The following NTN1 variants were observed in gnomAD, a reference collection of about 807,000 sequenced individuals.
NTN1 encodes the protein netrin 1.
In NTN1, 11 loss-of-function variants were observed where a neutral mutation model predicts 54.2. The ratio of observed to expected loss-of-function variants is 0.20; its 90% CI spans 0.13 to 0.34. The LOEUF (loss-of-function observed/expected upper bound fraction) is 0.34, where lower values mean the gene tolerates loss of function less well. NTN1 is among the 10% of genes least tolerant of loss of function. NTN1 has a pLI of 1.00. For missense variants in NTN1, 740 were observed against 893.1 expected (o/e 0.83, Z 2.18); for synonymous variants, 371 against 382.0 (o/e 0.97, Z 0.33).
At position 9,099,362 on chromosome 17, in the gene NTN1, G is replaced by A. The variant is rs373447234; in HGVS notation, c.1019-63451G>A. On this transcript the variant is annotated intron_variant, in intron 2 of 6. Transcript: ENST00000173229. Reference sequence around the variant, plus strand: ...GGAGGTTGCAGTGAGCCGAGTTTGCGCCATTGCACTCCAGCCTAGGCAACA... The same window carrying A: ...GGAGGTTGCAGTGAGCCGAGTTTGCACCATTGCACTCCAGCCTAGGCAACA... 5.9e-5 allele frequency among the ~76,000 whole-genome samples: 9 copies of A among 152,242 alleles called. No homozygotes were observed. The South Asian group carries it at 1.0e-3, about 18-fold the overall frequency.
intron 5 of NTN1, among the ~76,000 whole-genome samples, chr17:9,188,265 C>T (rs538279827): frequency 6.6e-5 from 10 of 152,090 alleles, no homozygotes; most frequent in Non-Finnish European, 1.5e-4. Flanking sequence ...CCCATCTCTA[C>T]TAAAAGTACA....
intron 2 of NTN1, among the ~76,000 whole-genome samples, chr17:9,073,368 G>A (rs987028649): frequency 5.9e-5 from 9 of 152,188 alleles, no homozygotes; most frequent in South Asian, 2.1e-4. Context: ...AAGTCCCCAC[G>A]AGAGTTCTCC....
upstream of NTN1, among the ~76,000 whole-genome samples, chr17:9,021,185 G>A (rs2091845487): frequency 6.7e-6 from 1 of 149,600 alleles, no homozygotes; most frequent in Non-Finnish European, 1.5e-5. Context: ...AGGCTCTCCG[G>A]GCGGCGCGGG....
rs11870243 is a variant in NTN1, at chr17:9,221,517, G to A, written c.1486+275G>A. ...GCTGGCCTCTGGCTTTGACTCTGCCGCTGATGGGCTGTGTGGCCACAGACC... is the reference window on the plus strand; with the variant it reads ...GCTGGCCTCTGGCTTTGACTCTGCCACTGATGGGCTGTGTGGCCACAGACC... On this transcript the variant is annotated intron_variant, in intron 6 of 6. Transcript: ENST00000173229. This position sits in a 1 kb window ranked among gnomAD's most constrained non-coding sequence, Gnocchi z 4.5. Among the ~76,000 whole-genome samples, 1,184 of 152,308 alleles carry A rather than the reference G, an allele frequency of 7.8e-3. 16 individuals carry two copies. Among genetic ancestry groups the A allele is most frequent in the African/African-American group, 0.027 (1,136 of 41,564 alleles).
Position 9,179,962 on chromosome 17 carries a change from T to C in NTN1, c.1357+6T>C, listed in dbSNP as rs1487829300. 5 of 1,609,568 alleles carry C rather than the reference T, an allele frequency of 3.1e-6. No individual in the cohort carries two copies. Among genetic ancestry groups the C allele is most frequent in the Non-Finnish European group, 4.2e-6 (5 of 1,178,152 alleles). ...TCCCATCGCCCCCTGCATAAGTATG[T>C]GTGGGGCACCCTGCTTTTCAAGTCT... On this transcript the variant is annotated splice_donor_region_variant and intron_variant, in intron 4 of 6. Coordinates refer to ENST00000173229, the MANE Select transcript of NTN1 (RefSeq NM_004822.3).
chr17:9,050,396 G>A (rs1237554225), intron 2 of NTN1, among the ~76,000 whole-genome samples: 4 of 151,854 alleles, frequency 2.6e-5, no homozygotes, highest in Admixed American at 6.6e-5. Flanking sequence ...GGGGCCAGGC[G>A]TGGTGGCTCA....
intron 5 of NTN1, among the ~76,000 whole-genome samples, chr17:9,187,539 C>T (rs1041797337): frequency 5.3e-5 from 8 of 150,226 alleles, no homozygotes; most frequent in East Asian, 2.0e-4. Flanking sequence ...TGGCCAGGTG[C>T]GGTGGCTCAC....
At position 9,221,147 on chromosome 17, in the gene NTN1, T is replaced by TCCTC; in HGVS notation, c.1412-19_1412-18insTCCC. ...CAGCCTAATTAGTTTTTGTCTGTGC[T>TCCTC]CCCCCCCCACCCCCCTGCAGACTGC... On this transcript the variant is annotated intron_variant, in intron 5 of 6. Transcript: ENST00000173229. This position sits in a 1 kb window ranked among gnomAD's most constrained non-coding sequence, Gnocchi z 4.5. The TCCTC allele has an allele frequency of 7.7e-7, 1 of 1,303,814 alleles. No homozygotes were observed. 80.8% of individuals were successfully genotyped at this position (1,303,814 alleles called of 1,614,324 possible).
rs1448094384 is a variant in NTN1 at position 9,219,193 on chromosome 17, G to A, written c.1412-1975G>A. ...CGGCCGCGGTGCTGATGGTGCTGAT[G>A]GCGCCGTTGACTTGAGTGTTTGGGC... is the stretch of plus-strand genomic sequence containing the variant. On this transcript the variant is annotated intron_variant, in intron 5 of 6. Transcript: ENST00000173229. This position sits in a 1 kb window ranked among gnomAD's most constrained non-coding sequence, Gnocchi z 4.5. Among the ~76,000 whole-genome samples the A allele has an allele frequency of 6.6e-6, 1 of 152,178 alleles. No homozygotes were observed. Among genetic ancestry groups the A allele is most frequent in the Non-Finnish European group, 1.5e-5 (1 of 68,026 alleles).
intron 2 of NTN1, among the ~76,000 whole-genome samples, chr17:9,063,210 C>T (rs1393294910): frequency 1.3e-5 from 2 of 151,786 alleles, no homozygotes; most frequent in Non-Finnish European, 2.9e-5. Flanking sequence ...GATTATCCTG[C>T]CTCAGCCTCC....
chr17:9,064,334 C>T (rs991975333), intron 2 of NTN1, among the ~76,000 whole-genome samples: 6 of 152,194 alleles, frequency 3.9e-5, no homozygotes, highest in Admixed American at 1.3e-4. Context: ...TGTAAATGAC[C>T]GCTGCCATTT....
rs57053201 is a variant in NTN1 at position 9,133,754 on chromosome 17, ATTT to A, written c.1019-29041_1019-29039del. 1.2e-3 allele frequency among the ~76,000 whole-genome samples: 122 copies of A among 104,534 alleles called. 1 individual carries two copies. In the East Asian group the frequency reaches 0.019, roughly 16 times the overall value. The allele number at this position is 104,534 out of a possible 152,430, so 68.6% of individuals were successfully genotyped here. A position where few individuals can be genotyped will look rare whatever the true frequency, so the allele number is the denominator to read the frequency against. ...AGGTGCGCACCACCATGCCCAGCTA[ATTT>A]TTTTTTTTTTTTTTTTTGTATTTTA... On this transcript the variant is annotated intron_variant, in intron 2 of 6. Coordinates refer to ENST00000173229, the MANE Select transcript of NTN1 (RefSeq NM_004822.3).
At chr17:9,116,017 TC>T (rs1326057461) in intron 2 of NTN1, among the ~76,000 whole-genome samples, 1 of 152,226 alleles carries the variant, frequency 6.6e-6, no homozygotes, top group Non-Finnish European at 1.5e-5. Context: ...CATTTGTTTC[TC>T]CGGGGGCAGA....
chr17:9,201,331 T>C (rs750964146), intron 5 of NTN1, among the ~76,000 whole-genome samples: 1 of 152,042 alleles, frequency 6.6e-6, no homozygotes, highest in Non-Finnish European at 1.5e-5. Flanking sequence ...GCTGTAAGAG[T>C]TCTGAACTTA....
At chr17:9,111,961 AT>A (rs1220354894) in intron 2 of NTN1, among the ~76,000 whole-genome samples, 1 of 152,250 alleles carries the variant, frequency 6.6e-6, no homozygotes, top group African/African-American at 2.4e-5. Flanking sequence ...TTAACTGAAC[AT>A]TTTAGTTGTC....
chr17:9,163,076 C>T (rs1427942889), intron 3 of NTN1, 75 bp downstream of exon 3: 3 of 1,435,648 alleles, frequency 2.1e-6, no homozygotes, highest in Admixed American at 2.3e-5. Flanking sequence ...TCCTCGCTTC[C>T]TTTTCTATTT....
At chr17:9,213,876 T>G (rs945979248) in intron 5 of NTN1, among the ~76,000 whole-genome samples, 3 of 152,260 alleles carry the variant, frequency 2.0e-5, no homozygotes, top group African/African-American at 7.2e-5. Flanking sequence ...TCCTAACATT[T>G]TGCATTTCAT....
chr17:9,201,987 A>G (rs186473035), intron 5 of NTN1, among the ~76,000 whole-genome samples: 126 of 141,072 alleles, frequency 8.9e-4, no homozygotes, highest in East Asian at 8.0e-3. Flanking sequence ...GAAGTTCAAG[A>G]GCAGCCTGGT....
chr17:9,060,252 C>T (rs2091992596), intron 2 of NTN1, among the ~76,000 whole-genome samples: 1 of 152,166 alleles, frequency 6.6e-6, no homozygotes, highest in Non-Finnish European at 1.5e-5. Flanking sequence ...TGATGATCCA[C>T]TTCCACTTAA....
Sources: allele counts gnomAD v4.1 joint callset (sites outside exome capture counted in the v4.1 genomes callset), GRCh38; gene constraint gnomAD v4.1.1; non-coding constraint Gnocchi (gnomAD v3.1); transcripts MANE v1.5; gene names NCBI Gene and HGNC (gene_info 2026-07-23, HGNC 2026-07-21).